The following WDPCP variants were observed in gnomAD, a reference collection of about 807,000 sequenced individuals.
WDPCP encodes WD repeat containing planar cell polarity effector, also known as WD repeat-containing and planar cell polarity effector protein fritz homolog.
WDPCP carries 71 observed loss-of-function variants against 93.1 expected under a neutral mutation model. The observed-to-expected ratio is 0.76, with a 90% CI of 0.63 to 0.93. WDPCP has a LOEUF of 0.93. Among genes scored for constraint, WDPCP ranks in the 40% least tolerant of loss-of-function variants. The pLI, the probability that WDPCP is intolerant of heterozygous loss-of-function variation, is 0.00. For missense variants in WDPCP, 844 were observed against 887.4 expected, an observed-to-expected ratio of 0.95 and a Z score of 0.62; for synonymous variants, 315 against 315.0, an observed-to-expected ratio of 1.00 and a Z score of 0.00.
chr2:63,477,530 G>A (rs1485170531), intron 6 of WDPCP, among the ~76,000 whole-genome samples: 1 of 152,044 alleles, frequency 6.6e-6, no homozygotes, highest in East Asian at 1.9e-4. Flanking sequence ...GTGGATAGGA[G>A]GCAGGACTAA....
At chr2:63,338,605 T>G in intron 12 of WDPCP, among the ~76,000 whole-genome samples, 1 of 118,106 alleles carries the variant, frequency 8.5e-6, no homozygotes, top group Non-Finnish European at 1.7e-5. Flanking sequence ...TATATATATA[T>G]ATATATATAT....
At chr2:63,363,524 A>C (rs908946854) in intron 12 of WDPCP, among the ~76,000 whole-genome samples, 1 of 152,056 alleles carries the variant, frequency 6.6e-6, no homozygotes, top group African/African-American at 2.4e-5. Flanking sequence ...ATTGAGCCTG[A>C]GAGGTTGAGG....
chr2:63,562,712 T>A (rs1053799245), intron 1 of WDPCP, among the ~76,000 whole-genome samples: 3 of 152,222 alleles, frequency 2.0e-5, no homozygotes, highest in African/African-American at 7.2e-5. Context: ...TGAAACTTAT[T>A]TATAAATTTC....
chr2:63,578,158 C>T (rs1708243385), intron 1 of WDPCP, among the ~76,000 whole-genome samples: 1 of 152,180 alleles, frequency 6.6e-6, no homozygotes, highest in Non-Finnish European at 1.5e-5. Flanking sequence ...ACTCAATTAA[C>T]AGTCATGGTT....
At chr2:63,450,302 C>T (rs114484644) in intron 6 of WDPCP, among the ~76,000 whole-genome samples, 3,102 of 152,240 alleles carry the variant, frequency 0.02, 124 homozygotes, top group African/African-American at 0.071. Context: ...GTTCCTCCCC[C>T]ATTGCTGAGC....
At chr2:63,291,701 T>G (rs1684430753) in intron 13 of WDPCP, among the ~76,000 whole-genome samples, 1 of 151,020 alleles carries the variant, frequency 6.6e-6, no homozygotes, top group African/African-American at 2.4e-5. Flanking sequence ...CCCAGGTACT[T>G]GGGAGGGAGA....
rs1433202630 is a variant in WDPCP at position 63,129,549 on chromosome 2, C to G, written c.2191-7493G>C. On this transcript the variant is annotated intron_variant, in intron 17 of 17. Transcript: ENST00000272321. ...TAGTTTCTCGTTGTGGTTTGATCTG[C>G]ATTTTTCTAACAATTAGTGATGTTG... Among the ~76,000 whole-genome samples, 3 of 152,114 alleles carry G rather than the reference C, an allele frequency of 2.0e-5. No individual in the cohort carries two copies. In the East Asian group the frequency reaches 5.8e-4, roughly 29 times the overall value.
intron 2 of WDPCP, among the ~76,000 whole-genome samples, chr2:63,799,460 C>G (rs1184897194): frequency 6.6e-6 from 1 of 152,142 alleles, no homozygotes; most frequent in Admixed American, 6.5e-5. Flanking sequence ...CCAAAGTAGC[C>G]TTGACTTCAG....
At chr2:63,628,563 T>G (rs1306189744) in intron 3 of WDPCP, among the ~76,000 whole-genome samples, 1 of 152,176 alleles carries the variant, frequency 6.6e-6, no homozygotes, top group Non-Finnish European at 1.5e-5. Flanking sequence ...CAGTTTAAGA[T>G]TCAAAACAGA....
intron 2 of WDPCP, among the ~76,000 whole-genome samples, chr2:63,730,477 T>C (rs780461150): frequency 2.0e-5 from 3 of 152,210 alleles, no homozygotes; most frequent in Non-Finnish European, 4.4e-5. Flanking sequence ...TCTTTTGTTT[T>C]TTTTGAGACG....
At chr2:63,303,222 C>G (rs1456279450) in intron 13 of WDPCP, among the ~76,000 whole-genome samples, 1 of 152,140 alleles carries the variant, frequency 6.6e-6, no homozygotes, top group East Asian at 1.9e-4. Context: ...AAGGCCACAT[C>G]CTCCTTTGTG....
chr2:63,561,916 T>C (rs1056838324), intron 1 of WDPCP, among the ~76,000 whole-genome samples: 15 of 152,194 alleles, frequency 9.9e-5, no homozygotes, highest in Non-Finnish European at 4.4e-5. Context: ...TTTTCCACTG[T>C]TGGTGGGAAT....
intron 14 of WDPCP, chr2:63,229,901 A>AG (rs1360158058): frequency 6.2e-6 from 1 of 161,084 alleles, no homozygotes; most frequent in African/African-American, 2.4e-5. Context: ...GAAAAAAAAA[A>AG]AAAAAGACAA....
intron 14 of WDPCP, among the ~76,000 whole-genome samples, chr2:63,207,307 T>A (rs1418261846): frequency 2.6e-5 from 4 of 152,094 alleles, no homozygotes; most frequent in Non-Finnish European, 5.9e-5. Flanking sequence ...AAGATTTGGT[T>A]GTTTCTGTAG....
At chr2:63,611,433 A>AC (rs1206919413) in intron 3 of WDPCP, among the ~76,000 whole-genome samples, 2 of 151,540 alleles carry the variant, frequency 1.3e-5, no homozygotes, top group South Asian at 4.2e-4. Flanking sequence ...GTCCTTTCTA[A>AC]CCCCCCACTT....
At chr2:63,701,199 G>A (rs562126664) in intron 2 of WDPCP, among the ~76,000 whole-genome samples, 19 of 152,054 alleles carry the variant, frequency 1.2e-4, no homozygotes, top group Non-Finnish European at 2.8e-4. Flanking sequence ...CAAAAGATCT[G>A]AATAGACATT....
chr2:63,659,322 A>T (rs923232439), intron 2 of WDPCP, among the ~76,000 whole-genome samples: 2 of 152,212 alleles, frequency 1.3e-5, no homozygotes, highest in Admixed American at 1.3e-4. Flanking sequence ...TAAATGACAC[A>T]TCCTAATCCC....
At chr2:63,563,231 CA>C (rs1481611552) in intron 1 of WDPCP, among the ~76,000 whole-genome samples, 2 of 152,006 alleles carry the variant, frequency 1.3e-5, no homozygotes, top group Non-Finnish European at 2.9e-5. Context: ...AGACACAGAA[CA>C]GCAAGCAACA....
At position 63,472,159 on chromosome 2, in the gene WDPCP, C is replaced by T. The variant is rs148493247; in HGVS notation, c.384+12445G>A. Among the ~76,000 whole-genome samples, 545 of 151,786 alleles carry T rather than the reference C, an allele frequency of 3.6e-3. 3 individuals carry two copies. The highest frequency in any genetic ancestry group is 0.012 in the African/African-American group (510 of 41,442). On this transcript the variant is annotated intron_variant, in intron 6 of 17. Transcript: ENST00000272321. The stretch of plus-strand genomic sequence containing the variant: ...TTCCCAATCTTTTGTATGTATCTTG[C>T]TGTTTTTTCTTTTCTTTTTTTTTAA...
Sources: gnomAD v4.1 joint callset for allele counts (sites outside exome capture counted in the v4.1 genomes callset) on GRCh38, gnomAD v4.1.1 for gene constraint, MANE v1.5 for transcripts, NCBI Gene and HGNC (gene_info 2026-07-23, HGNC 2026-07-21) for gene names.